Variants in LTBP1 observed in about 807,000 individuals in gnomAD.
LTBP1 encodes latent transforming growth factor beta binding protein 1.
A neutral mutation model predicts 207.6 loss-of-function variants in LTBP1; 129 were observed. The ratio of observed to expected loss-of-function variants is 0.62; its 90% CI spans 0.54 to 0.72. LTBP1 has a LOEUF of 0.72. Ranked by LOEUF, LTBP1 falls within the 30% of genes least tolerant of loss-of-function variation. The pLI is 0.00. For missense variants in LTBP1, 2,281 were observed against 2,217.2 expected, an observed-to-expected ratio of 1.03 and a Z score of -0.58; for synonymous variants, 963 against 833.7, an observed-to-expected ratio of 1.16 and a Z score of -2.67.
At chr2:33,163,426 A>C (rs1291221332) in intron 5 of LTBP1, among the ~76,000 whole-genome samples, 1 of 152,234 alleles carries the variant, frequency 6.6e-6, no homozygotes, top group Non-Finnish European at 1.5e-5. Flanking sequence ...AAGGTGGCAG[A>C]ACTGTTCAGT....
chr2:32,962,494 A>G (rs1311857265), intron 2 of LTBP1, among the ~76,000 whole-genome samples: 2 of 152,228 alleles, frequency 1.3e-5, no homozygotes, highest in East Asian at 1.9e-4. Flanking sequence ...TTTATATACA[A>G]TAGACCCTCA....
intron 31 of LTBP1, among the ~76,000 whole-genome samples, chr2:33,386,194 T>A (rs1339738408): frequency 6.6e-6 from 1 of 152,178 alleles, no homozygotes; most frequent in Non-Finnish European, 1.5e-5. Context: ...GCAACATAAT[T>A]CCTACATACC....
At chr2:33,340,257 CAA>C (rs1198759101) in intron 24 of LTBP1, among the ~76,000 whole-genome samples, 34,850 of 88,712 alleles carry the variant, frequency 0.39, 4,065 homozygotes, top group South Asian at 0.45. Context: ...GACTCTGTCT[CAA>C]AAAAAAAAAA....
At chr2:33,039,726 A>T (rs2076093934) in intron 3 of LTBP1, among the ~76,000 whole-genome samples, 1 of 152,162 alleles carries the variant, frequency 6.6e-6, no homozygotes, top group South Asian at 2.1e-4. Flanking sequence ...AGTGAATGGA[A>T]TTAAACATTT....
At chr2:32,985,467 T>C (rs1683410689) in intron 2 of LTBP1, among the ~76,000 whole-genome samples, 1 of 152,130 alleles carries the variant, frequency 6.6e-6, no homozygotes, top group Non-Finnish European at 1.5e-5. Context: ...CTAGAGGAGC[T>C]CAGTACAAAG....
chr2:33,275,782 T>C lies in LTBP1; in HGVS notation c.2870-19T>C. ...GTATTTGGAACACAAAACTCAACAA[T>C]GCTATCTGCTCTTCGTAGATGTTGA... On this transcript the variant is annotated intron_variant, in intron 17 of 33. Transcript: ENST00000404816. 1.9e-6 allele frequency: 3 copies of C among 1,613,868 alleles called. No individual in the cohort carries two copies. Among genetic ancestry groups the C allele is most frequent in the South Asian group, 1.1e-5 (1 of 91,080 alleles).
chr2:33,357,947 C>T (rs1373693274), intron 26 of LTBP1, among the ~76,000 whole-genome samples: 1 of 152,148 alleles, frequency 6.6e-6, no homozygotes, highest in African/African-American at 2.4e-5. Context: ...GAACTAAACT[C>T]ATGTAGGAGT....
intron 3 of LTBP1, among the ~76,000 whole-genome samples, chr2:33,105,546 C>T (rs758853330): frequency 1.3e-5 from 2 of 151,766 alleles, no homozygotes; most frequent in Middle Eastern, 3.4e-3. Context: ...AAGTGATTCT[C>T]GTGCCTCAAG....
intron 14 of LTBP1, 121 bp from the exon 15 acceptor site, chr2:33,263,173 C>T: frequency 1.5e-6 from 1 of 685,886 alleles, no homozygotes; most frequent in East Asian, 2.5e-5. Flanking sequence ...TAGAACAGTT[C>T]TTTATATCTG....
At chr2:33,288,830 G>C (rs2093717853) in intron 19 of LTBP1, among the ~76,000 whole-genome samples, 1 of 150,930 alleles carries the variant, frequency 6.6e-6, no homozygotes, top group Non-Finnish European at 1.5e-5. Flanking sequence ...ACTCCAGCCT[G>C]GGTGACAGAG....
intron 24 of LTBP1, among the ~76,000 whole-genome samples, chr2:33,325,150 A>G (rs2149390978): frequency 6.6e-6 from 1 of 152,264 alleles, no homozygotes; most frequent in Non-Finnish European, 1.5e-5. Flanking sequence ...AAGTAGTTCC[A>G]GCTTTAAGTC....
intron 5 of LTBP1, among the ~76,000 whole-genome samples, chr2:33,177,376 G>C (rs898688360): frequency 1.3e-5 from 2 of 152,180 alleles, no homozygotes; most frequent in Admixed American, 1.3e-4. Context: ...AAGGCTGAGC[G>C]TGGTGGCTCA....
chr2:32,956,651 T>C (rs1678116428), intron 2 of LTBP1, among the ~76,000 whole-genome samples: 1 of 152,212 alleles, frequency 6.6e-6, no homozygotes. Context: ...CTCCTGTTAA[T>C]GTGGATACTT....
At chr2:33,323,410 G>A (rs146044299) in intron 24 of LTBP1, among the ~76,000 whole-genome samples, 3 of 152,256 alleles carry the variant, frequency 2.0e-5, no homozygotes, top group East Asian at 3.9e-4. Flanking sequence ...GCCGAAACAG[G>A]CAGATCACCT....
chr2:32,998,448 G>A (rs1368144803), intron 2 of LTBP1, among the ~76,000 whole-genome samples: 1 of 140,868 alleles, frequency 7.1e-6, no homozygotes, highest in Non-Finnish European at 1.5e-5. Flanking sequence ...CCCAGGAGTC[G>A]GAGGTTGCAA....
Position 33,187,038 on chromosome 2 carries a change from C to G in LTBP1, c.1384C>G (p.His462Asp). The G allele has an allele frequency of 6.2e-7, 1 of 1,614,224 alleles. No individual in the cohort carries two copies. The highest frequency in any genetic ancestry group is 8.5e-7 in the Non-Finnish European group (1 of 1,180,028). ...ALGTHVIHST[H>D]TLPLTVTSQQ... ...GGGGACGCATGTCATCCATTCAACA[C>G]ATACCTTGCCTCTGACCGTGACTAG... Residue 462 changes from histidine to aspartate, a missense_variant, in exon 6 of 34, where the codon CAT becomes GAT. His to Asp is a moderately conservative substitution (Grantham distance 81, BLOSUM62 -1). This residue lies in a region of LTBP1 where 1,671 missense variants were observed against 1,634.8 expected (regional missense o/e 1.02). Coordinates refer to ENST00000404816, the MANE Select transcript of LTBP1 (RefSeq NM_206943.4).
intron 3 of LTBP1, among the ~76,000 whole-genome samples, chr2:33,087,085 T>C (rs1024719638): frequency 1.5e-4 from 2 of 13,746 alleles, no homozygotes; most frequent in Non-Finnish European, 3.2e-4. Context: ...TCCTTTATGC[T>C]TTTTTTTTTT....
At chr2:33,305,490 T>C (rs2094074302) in intron 22 of LTBP1, among the ~76,000 whole-genome samples, 1 of 152,176 alleles carries the variant, frequency 6.6e-6, no homozygotes, top group Admixed American at 6.5e-5. Flanking sequence ...TAATCATTTA[T>C]GGGTAGAGCA....
intron 27 of LTBP1, among the ~76,000 whole-genome samples, chr2:33,361,163 G>A (rs890828467): frequency 6.6e-6 from 1 of 152,026 alleles, no homozygotes; most frequent in Non-Finnish European, 1.5e-5. Flanking sequence ...TCACAGTAGT[G>A]GAAAAATAAT....
Sources: gnomAD v4.1 joint callset for allele counts (sites outside exome capture counted in the v4.1 genomes callset) on GRCh38, gnomAD v4.1.1 for gene constraint, gnomAD v4.1.1 regional missense constraint, MANE v1.5 for transcripts, NCBI Gene and HGNC (gene_info 2026-07-23, HGNC 2026-07-21) for gene names.